LAPTM4B: variants seen among roughly 807,000 people sequenced by gnomAD.
The protein encoded by LAPTM4B is lysosomal-associated transmembrane protein 4B.
LAPTM4B carries 26 observed loss-of-function variants against 28.5 expected under a neutral mutation model. That is an observed-to-expected ratio of 0.91 (90% CI 0.67 to 1.27). The LOEUF is 1.27. Ranked by LOEUF, LAPTM4B falls within the 50% of genes most tolerant of loss-of-function variation. The pLI, the probability that LAPTM4B is intolerant of heterozygous loss-of-function variation, is 0.00. For missense variants in LAPTM4B, 288 were observed against 285.8 expected (o/e 1.01, Z -0.06); for synonymous variants, 109 against 106.4 (o/e 1.02, Z -0.15).
intron 2 of LAPTM4B, among the ~76,000 whole-genome samples, chr8:97,811,489 A>AT (rs1816826413): frequency 6.6e-6 from 1 of 152,222 alleles, no homozygotes; most frequent in African/African-American, 2.4e-5. Context: ...GTATGCTTAT[A>AT]TATGTATGTG....
chr8:97,792,416 A>G (rs1233307037), intron 1 of LAPTM4B, among the ~76,000 whole-genome samples: 1 of 151,878 alleles, frequency 6.6e-6, no homozygotes, highest in Non-Finnish European at 1.5e-5. Context: ...CACCACAACC[A>G]GCTAATTATT....
intron 6 of LAPTM4B, among the ~76,000 whole-genome samples, chr8:97,846,368 G>A (rs1008816322): frequency 7.6e-6 from 1 of 131,452 alleles, no homozygotes; most frequent in African/African-American, 2.8e-5. Flanking sequence ...CGCTCTTGTT[G>A]CCCAGGCTGG....
intron 4 of LAPTM4B, among the ~76,000 whole-genome samples, chr8:97,816,898 C>T (rs1031820131): frequency 4.0e-5 from 6 of 151,690 alleles, no homozygotes; most frequent in Non-Finnish European, 8.8e-5. Flanking sequence ...CAAGATCACG[C>T]CACTGCACTC....
intron 5 of LAPTM4B, among the ~76,000 whole-genome samples, chr8:97,821,442 G>A (rs1274671677): frequency 2.6e-5 from 4 of 152,102 alleles, no homozygotes; most frequent in Non-Finnish European, 4.4e-5. Flanking sequence ...TGGGTCCAGG[G>A]GTCCAGTGCC....
At chr8:97,843,909 A>T (rs141657602) in intron 6 of LAPTM4B, among the ~76,000 whole-genome samples, 25 of 152,348 alleles carry the variant, frequency 1.6e-4, no homozygotes, top group African/African-American at 6.0e-4. Flanking sequence ...TTATACAAAG[A>T]TCCATTCTAT....
chr8:97,849,225 C>CTA (rs1212538217), intron 6 of LAPTM4B, among the ~76,000 whole-genome samples: 3 of 152,210 alleles, frequency 2.0e-5, no homozygotes, highest in Non-Finnish European at 4.4e-5. Context: ...ACTCCCTAGC[C>CTA]TAAATTGGTT....
At chr8:97,828,338 G>C (rs972324652) in intron 6 of LAPTM4B, among the ~76,000 whole-genome samples, 1 of 152,232 alleles carries the variant, frequency 6.6e-6, no homozygotes, top group East Asian at 1.9e-4. Context: ...TGACATTGTC[G>C]AGTTGTTAAA....
At chr8:97,832,129 C>T (rs1260631970) in intron 6 of LAPTM4B, among the ~76,000 whole-genome samples, 1 of 152,152 alleles carries the variant, frequency 6.6e-6, no homozygotes, top group African/African-American at 2.4e-5. Flanking sequence ...GTAAGTCCCC[C>T]AAATGCATCC....
chr8:97,838,789 G>T (rs1817300744), intron 6 of LAPTM4B, among the ~76,000 whole-genome samples: 1 of 151,980 alleles, frequency 6.6e-6, no homozygotes, highest in African/African-American at 2.4e-5. Context: ...AAAGCAGTGG[G>T]ATTTTCTGGT....
At chr8:97,844,077 CG>C (rs1455265452) in intron 6 of LAPTM4B, among the ~76,000 whole-genome samples, 1 of 134,376 alleles carries the variant, frequency 7.4e-6, no homozygotes, top group African/African-American at 2.9e-5. Flanking sequence ...TCTTATTTTG[CG>C]TGATGATTTT....
chr8:97,835,499 T>C (rs1223180248), intron 6 of LAPTM4B, among the ~76,000 whole-genome samples: 1 of 152,174 alleles, frequency 6.6e-6, no homozygotes, highest in African/African-American at 2.4e-5. Flanking sequence ...TCATAATGCT[T>C]TAGAGTCATC....
intron 3 of LAPTM4B, 43 bp from the exon 4 acceptor site, chr8:97,816,015 A>G: frequency 6.8e-7 from 1 of 1,477,458 alleles, no homozygotes; most frequent in Non-Finnish European, 9.1e-7. Flanking sequence ...ATATTGTTTT[A>G]TAATATTGAA....
At chr8:97,847,007 G>C (rs1370840702) in intron 6 of LAPTM4B, among the ~76,000 whole-genome samples, 1 of 152,106 alleles carries the variant, frequency 6.6e-6, no homozygotes, top group Non-Finnish European at 1.5e-5. Context: ...AGTTACCTCT[G>C]GTAACACTCT....
intron 6 of LAPTM4B, among the ~76,000 whole-genome samples, chr8:97,838,887 G>T (rs66537586): frequency 0.19 from 29,498 of 152,166 alleles, 3,097 homozygotes; most frequent in African/African-American, 0.27. Flanking sequence ...AAAAGAAAGG[G>T]TAAAAGTAAA....
At chr8:97,786,239 A>G (rs957948081) in intron 1 of LAPTM4B, among the ~76,000 whole-genome samples, 2 of 152,166 alleles carry the variant, frequency 1.3e-5, no homozygotes, top group Non-Finnish European at 1.5e-5. Flanking sequence ...TAAAAAGCAA[A>G]CAAAGACCAC....
chr8:97,796,957 C>T (rs1243618395), intron 1 of LAPTM4B, among the ~76,000 whole-genome samples: 3 of 151,164 alleles, frequency 2.0e-5, no homozygotes, highest in Admixed American at 6.6e-5. Context: ...AAATAAATCT[C>T]AATAAATAAT....
intron 6 of LAPTM4B, among the ~76,000 whole-genome samples, chr8:97,847,048 G>C (rs1817444610): frequency 6.6e-6 from 1 of 152,208 alleles, no homozygotes; most frequent in Non-Finnish European, 1.5e-5. Flanking sequence ...TGAAATGAAT[G>C]ATGAGTTTCT....
rs1353464625 is a variant in LAPTM4B, at chr8:97,775,859, T to C, written c.-151T>C. 1.3e-6 allele frequency: 2 copies of C among 1,521,754 alleles called. No homozygotes were observed. Among genetic ancestry groups the C allele is most frequent in the Admixed American group, 2.0e-5 (1 of 49,292 alleles). 94.3% of individuals were successfully genotyped at this position (1,521,754 alleles called of 1,614,324 possible). ...CGGCAGAAGCTCGGAGCTCTCGGGGTATCGAGGAGGCAGGCCCGCGGGCGC... is the reference window on the plus strand; with the variant it reads ...CGGCAGAAGCTCGGAGCTCTCGGGGCATCGAGGAGGCAGGCCCGCGGGCGC... On this transcript the variant is annotated 5_prime_UTR_variant, in exon 1 of 7. Transcript: ENST00000521545.
intron 1 of LAPTM4B, among the ~76,000 whole-genome samples, chr8:97,788,633 T>G (rs1032845853): frequency 2.6e-5 from 4 of 152,216 alleles, no homozygotes; most frequent in African/African-American, 9.6e-5. Context: ...TCATTATTCC[T>G]TTGTATGAAA....
Sources: gnomAD v4.1 joint callset for allele counts (sites outside exome capture counted in the v4.1 genomes callset) on GRCh38, gnomAD v4.1.1 for gene constraint, MANE v1.5 for transcripts, NCBI Gene and HGNC (gene_info 2026-07-23, HGNC 2026-07-21) for gene names.